Variants in UGT1A8 observed in about 807,000 individuals in gnomAD.
UGT1A8 encodes UDP-glucuronosyltransferase 1A8.
A neutral mutation model predicts 45.3 loss-of-function variants in UGT1A8; 39 were observed. That is an observed-to-expected ratio of 0.86 (90% CI 0.67 to 1.12). UGT1A8 has a LOEUF of 1.12. Among genes scored for constraint, UGT1A8 ranks in the 50% most tolerant of loss-of-function variants. The pLI is 0.00. For synonymous variants in UGT1A8, 275 were observed against 249.2 expected (o/e 1.10, Z -0.97); for missense variants, 719 against 664.9 (o/e 1.08, Z -0.90).
intron 1 of UGT1A8, chr2:233,754,873 T>C (rs763585549): frequency 7.4e-7 from 1 of 1,352,606 alleles, no homozygotes; most frequent in Non-Finnish European, 9.9e-7. Flanking sequence ...CCTCTGCTTC[T>C]GCTTCCCAGG....
chr2:233,690,192 A>T (rs1459130504), intron 1 of UGT1A8, among the ~76,000 whole-genome samples: 1 of 152,240 alleles, frequency 6.6e-6, no homozygotes, highest in Admixed American at 6.5e-5. Flanking sequence ...TTCATAAAAT[A>T]TTCATAAATT....
chr2:233,731,284 CTT>C (rs78127606), intron 1 of UGT1A8, among the ~76,000 whole-genome samples: 38 of 139,732 alleles, frequency 2.7e-4, no homozygotes, highest in East Asian at 1.2e-3. Context: ...GTTTTTCTTT[CTT>C]TTTTTTTTTT....
intron 1 of UGT1A8, among the ~76,000 whole-genome samples, chr2:233,639,144 C>G (rs553986301): frequency 6.6e-6 from 1 of 152,064 alleles, no homozygotes; most frequent in South Asian, 2.1e-4. Context: ...AGAGGGATAT[C>G]TATAAAAAAT....
rs1165153484 is a variant in UGT1A8 at position 233,672,570 on chromosome 2, G to A, written c.855+54008G>A. 3 of 1,613,830 alleles carry A rather than the reference G, an allele frequency of 1.9e-6. No homozygotes were observed. In the African/African-American group the frequency reaches 4.0e-5, roughly 22 times the overall value. On this transcript the variant is annotated intron_variant, in intron 1 of 4. Transcript: ENST00000373450. The stretch of plus-strand genomic sequence containing the variant: ...AGGAGAGAGTACGGAACCACATCAT[G>A]CACTTGGAGGAACATTTATTATGCC...
At chr2:233,656,576 C>A (rs1483650621) in intron 1 of UGT1A8, among the ~76,000 whole-genome samples, 4 of 152,154 alleles carry the variant, frequency 2.6e-5, no homozygotes, top group Non-Finnish European at 5.9e-5. Context: ...TCAACTCTTG[C>A]CTGGCGTGGT....
intron 1 of UGT1A8, among the ~76,000 whole-genome samples, chr2:233,637,928 T>C (rs1402799919): frequency 6.6e-6 from 1 of 151,894 alleles, no homozygotes; most frequent in Non-Finnish European, 1.5e-5. Flanking sequence ...CATAAAATTC[T>C]TTACTTTGGA....
At chr2:233,710,145 TATC>T (rs1430015885) in intron 1 of UGT1A8, among the ~76,000 whole-genome samples, 2 of 152,254 alleles carry the variant, frequency 1.3e-5, no homozygotes, top group African/African-American at 4.8e-5. Context: ...TGTATAGATA[TATC>T]ATCATTTGCT....
intron 1 of UGT1A8, chr2:233,671,902 T>C: frequency 1.3e-6 from 2 of 1,575,526 alleles, no homozygotes; most frequent in Non-Finnish European, 1.7e-6. Flanking sequence ...GAGCTTAGAT[T>C]CCCAGCTGCT....
At chr2:233,712,971 C>T (rs374909970) in intron 1 of UGT1A8, 564 of 1,612,936 alleles carry the variant, frequency 3.5e-4, no homozygotes, top group Non-Finnish European at 4.5e-4. Context: ...GGACAGTCAG[C>T]TGTCGGTGGC....
chr2:233,637,185 G>C (rs1213461078), intron 1 of UGT1A8: 1 of 1,613,950 alleles, frequency 6.2e-7, no homozygotes, highest in African/African-American at 1.3e-5. Context: ...TATTTTGCCA[G>C]TATCTTTTTA....
At chr2:233,714,647 C>A (rs886443122) in intron 1 of UGT1A8, among the ~76,000 whole-genome samples, 1 of 152,174 alleles carries the variant, frequency 6.6e-6, no homozygotes, top group African/African-American at 2.4e-5. Flanking sequence ...GTGAATAATG[C>A]ATTTTATTTA....
intron 1 of UGT1A8, among the ~76,000 whole-genome samples, chr2:233,676,430 A>G (rs1205481300): frequency 6.6e-6 from 1 of 152,154 alleles, no homozygotes; most frequent in Non-Finnish European, 1.5e-5. Context: ...CCATTGTTAA[A>G]TCTCATGTTT....
intron 1 of UGT1A8, among the ~76,000 whole-genome samples, chr2:233,746,990 A>G (rs971804174): frequency 6.6e-6 from 1 of 151,860 alleles, no homozygotes. Context: ...GCAGGGTCAG[A>G]TGAGTTTTTC....
rs1222829087 is a variant in UGT1A8, at chr2:233,767,177, C to G, written c.987+12C>G. 1 of 1,614,030 alleles carries G rather than the reference C, an allele frequency of 6.2e-7. No individual in the cohort carries two copies. Among genetic ancestry groups the G allele is most frequent in the South Asian group, 1.1e-5 (1 of 91,054 alleles). ...AAATCCCTCAGACAGTAAGAAGATT[C>G]TATACCATGGCCTCATATCTATTTT... On this transcript the variant is annotated intron_variant, in intron 2 of 4. Coordinates refer to ENST00000373450, the MANE Select transcript of UGT1A8 (RefSeq NM_019076.5).
chr2:233,667,558 T>C (rs1275178707), intron 1 of UGT1A8, among the ~76,000 whole-genome samples: 2 of 152,198 alleles, frequency 1.3e-5, no homozygotes, highest in Non-Finnish European at 2.9e-5. Context: ...AAAGAGCTTC[T>C]GCACAGCAAA....
intron 1 of UGT1A8, among the ~76,000 whole-genome samples, chr2:233,708,985 C>T (rs560694521): frequency 3.3e-5 from 5 of 152,228 alleles, no homozygotes; most frequent in South Asian, 2.1e-4. Flanking sequence ...TTTCCTCGGC[C>T]GTGGCATCCT....
In UGT1A8 at chr2:233,743,654, T is replaced by A. The variant is rs777818492; in HGVS notation, c.856-23380T>A. The A allele has an allele frequency of 2.2e-6, 3 of 1,367,166 alleles. No homozygotes were observed. In the East Asian group the frequency reaches 1.4e-4, roughly 62 times the overall value. 84.7% of individuals were successfully genotyped at this position (1,367,166 alleles called of 1,614,324 possible). A position where few individuals can be genotyped will look rare whatever the true frequency, so the allele number is the denominator to read the frequency against. ...TGGGTCGCGGAAGCTGAAGACGTAC[T>A]CGAAGGGGTCCTCGAAGGGCCTGCC... is the stretch of plus-strand genomic sequence containing the variant. On this transcript the variant is annotated intron_variant, in intron 1 of 4. Transcript: ENST00000373450.
intron 1 of UGT1A8, among the ~76,000 whole-genome samples, chr2:233,639,269 T>C (rs2073384820): frequency 6.6e-6 from 1 of 152,242 alleles, no homozygotes; most frequent in Non-Finnish European, 1.5e-5. Context: ...TGAAAGTTTT[T>C]ATAGTTTGCA....
In UGT1A8 at chr2:233,691,037, G is replaced by A. The variant is rs45542536; in HGVS notation, c.855+72475G>A. The A allele has an allele frequency of 5.6e-5, 55 of 989,346 alleles. No individual in the cohort carries two copies. The African/African-American group carries it at 8.2e-4, about 15-fold the overall frequency. 61.3% of individuals were successfully genotyped at this position (989,346 alleles called of 1,614,324 possible). ...TGTGGTTGGAAGGGCTCAGACCAACGTCCACAGCAGAGTGGAGGTCTAGTA... is the reference window on the plus strand; with the variant it reads ...TGTGGTTGGAAGGGCTCAGACCAACATCCACAGCAGAGTGGAGGTCTAGTA... On this transcript the variant is annotated intron_variant, in intron 1 of 4. Coordinates refer to ENST00000373450, the MANE Select transcript of UGT1A8 (RefSeq NM_019076.5).
Sources: gnomAD v4.1 joint callset for allele counts (sites outside exome capture counted in the v4.1 genomes callset) on GRCh38, gnomAD v4.1.1 for gene constraint, MANE v1.5 for transcripts, NCBI Gene and HGNC (gene_info 2026-07-23, HGNC 2026-07-21) for gene names.